RASL10B: variants seen among roughly 807,000 people sequenced by gnomAD.
RASL10B encodes RAS like family 10 member B.
RASL10B carries 10 observed loss-of-function variants against 20.7 expected under a neutral mutation model. That is an observed-to-expected ratio of 0.48 (90% CI 0.30 to 0.82). The LOEUF is 0.82. Ranked by LOEUF, RASL10B falls within the 40% of genes least tolerant of loss-of-function variation. RASL10B has a pLI of 0.07. For missense variants in RASL10B, 231 were observed against 295.4 expected (o/e 0.78, Z 1.60); for synonymous variants, 110 against 123.3 (o/e 0.89, Z 0.72).
chr17:35,731,700 C>T lies in RASL10B; in HGVS notation c.-326C>T, dbSNP rs1013973085. The T allele has an allele frequency of 5.9e-5, 9 of 151,994 alleles. No homozygotes were observed. Among genetic ancestry groups the T allele is most frequent in the East Asian group, 3.9e-4 (2 of 5,108 alleles). 9.4% of individuals were successfully genotyped at this position (151,994 alleles called of 1,614,324 possible). A position where few individuals can be genotyped will look rare whatever the true frequency, so the allele number is the denominator to read the frequency against. ...AGCTGGGGCTGGAGGTTCCTACCCCCTCGGCGGCCCGCATCTGCCCCCGCG... is the reference window on the plus strand; with the variant it reads ...AGCTGGGGCTGGAGGTTCCTACCCCTTCGGCGGCCCGCATCTGCCCCCGCG... On this transcript the variant is annotated 5_prime_UTR_variant, in exon 1 of 4. Transcript: ENST00000603017.
At chr17:35,734,335 T>G (rs1444783893) in intron 1 of RASL10B, among the ~76,000 whole-genome samples, 1 of 152,176 alleles carries the variant, frequency 6.6e-6, no homozygotes, top group Non-Finnish European at 1.5e-5. Context: ...TGGGCACACT[T>G]CTTACTCCTT....
intron 2 of RASL10B, among the ~76,000 whole-genome samples, chr17:35,738,427 C>T (rs2143020026): frequency 1.3e-5 from 2 of 152,280 alleles, no homozygotes; most frequent in Non-Finnish European, 2.9e-5. Context: ...TCTCCAATGC[C>T]AGATGAGATA....
Position 35,735,133 on chromosome 17 carries a change from G to A in RASL10B, c.-52G>A, listed in dbSNP as rs1017642661. On this transcript the variant is annotated 5_prime_UTR_variant, in exon 2 of 4. Transcript: ENST00000603017. This position sits in a 1 kb window ranked among gnomAD's most constrained non-coding sequence, Gnocchi z 6.7. ...CCCCAGCCCCTGGAATATGCAGCCC[G>A]GGGGAGCCCCAGACAGCGGCAAGGA... 27 of 1,562,950 alleles carry A rather than the reference G, an allele frequency of 1.7e-5. No homozygotes were observed. Among genetic ancestry groups the A allele is most frequent in the South Asian group, 3.4e-5 (3 of 89,300 alleles).
At chr17:35,736,096 T>C (rs767588683) in intron 2 of RASL10B, among the ~76,000 whole-genome samples, 73 of 152,228 alleles carry the variant, frequency 4.8e-4, no homozygotes, top group Non-Finnish European at 9.0e-4. Context: ...GCACCCTCCC[T>C]GCCAGGTTTG....
chr17:35,737,130 AC>A (rs1280291896), intron 2 of RASL10B: 1 of 152,240 alleles, frequency 6.6e-6, no homozygotes, highest in Non-Finnish European at 1.5e-5. Context: ...AAAGAACAAA[AC>A]AAAAACAAGA....
intron 2 of RASL10B, chr17:35,737,216 A>G (rs1181858751): frequency 6.6e-6 from 1 of 152,218 alleles, no homozygotes; most frequent in Admixed American, 6.5e-5. Context: ...TGTGTTACCT[A>G]AGCTGATCTC....
In RASL10B at chr17:35,741,377, G is replaced by C. The variant is rs933256632; in HGVS notation, c.*72G>C. 32 of 1,364,666 alleles carry C rather than the reference G, an allele frequency of 2.3e-5. No homozygotes were observed. In the Admixed American group the frequency reaches 4.7e-4, roughly 20 times the overall value. The allele number at this position is 1,364,666 out of a possible 1,614,324, so 84.5% of individuals were successfully genotyped here. ...CGGGGCCGTACTGCGGGGCTGGGGC[G>C]GGGAGCGGGCGGGAAATGGAACTGT... On this transcript the variant is annotated 3_prime_UTR_variant, in exon 4 of 4. Transcript: ENST00000603017.
intron 2 of RASL10B, among the ~76,000 whole-genome samples, chr17:35,736,576 G>T (rs1329920328): frequency 1.3e-5 from 2 of 152,188 alleles, no homozygotes; most frequent in African/African-American, 4.8e-5. Flanking sequence ...AGACAGTCTG[G>T]ATGCAGGGCC....
At position 35,740,434 on chromosome 17, in the gene RASL10B, G is replaced by T; in HGVS notation, c.242G>T (p.Gly81Val). The change falls in exon 3 of 4, where the codon GGA becomes GTA. Residue 81 changes from glycine (G) to valine (V), a missense_variant. Transcript: ENST00000603017. ...LQEWADTCCR[G>V]LRSVHAYILV... The stretch of plus-strand genomic sequence containing the variant: ...GAGTGGGCAGACACCTGCTGCAGGG[G>T]ACTCCGGAGTGTCCACGCCTACATC... 1.2e-6 allele frequency: 2 copies of T among 1,613,928 alleles called. No individual in the cohort carries two copies. Among genetic ancestry groups the T allele is most frequent in the South Asian group, 2.2e-5 (2 of 91,070 alleles).
chr17:35,736,561 A>C (rs1463416600), intron 2 of RASL10B, among the ~76,000 whole-genome samples: 1 of 152,204 alleles, frequency 6.6e-6, no homozygotes, highest in Non-Finnish European at 1.5e-5. Flanking sequence ...TGAGCCTGTC[A>C]GGGCAGACAG....
Position 35,735,196 on chromosome 17 carries a change from C to G in RASL10B, c.12C>G (p.Thr4=). The G allele has an allele frequency of 6.2e-7, 1 of 1,610,368 alleles. No individual in the cohort carries two copies. Among genetic ancestry groups the G allele is most frequent in the East Asian group, 2.2e-5 (1 of 44,868 alleles). ...GTGGGGCGGGAGGCATGGTCTCCAC[C>G]TACCGGGTGGCCGTGCTGGGGGCGC... MVS[T]YRVAVLGARG... is the part of the protein sequence containing the mutation. Residue 4 remains threonine (T), a synonymous_variant, in exon 2 of 4, where the codon ACC becomes ACG. Transcript: ENST00000603017. This position sits in a 1 kb window ranked among gnomAD's most constrained non-coding sequence, Gnocchi z 6.7.
chr17:35,732,542 C>T (rs2085564727), intron 1 of RASL10B, among the ~76,000 whole-genome samples: 1 of 152,190 alleles, frequency 6.6e-6, no homozygotes, highest in Non-Finnish European at 1.5e-5. Context: ...GGGCACCGAT[C>T]GCTTCTGAGT....
chr17:35,732,228 G>A (rs1352198909), intron 1 of RASL10B, among the ~76,000 whole-genome samples: 1 of 152,152 alleles, frequency 6.6e-6, no homozygotes, highest in Non-Finnish European at 1.5e-5. Flanking sequence ...CTTGTGACCC[G>A]GCCCTCGGGA....
chr17:35,740,571 G>T (rs1555597776), intron 3 of RASL10B, 38 bp downstream of exon 3: 1 of 1,604,830 alleles, frequency 6.2e-7, no homozygotes, highest in African/African-American at 1.3e-5. Context: ...CACCTCTGTG[G>T]ATGCCCCAGT....
At chr17:35,732,477 G>A (rs1402902710) in intron 1 of RASL10B, among the ~76,000 whole-genome samples, 9 of 152,240 alleles carry the variant, frequency 5.9e-5, no homozygotes, top group African/African-American at 2.2e-4. Flanking sequence ...ACTCAGCCAA[G>A]GGTGTTGGAT....
intron 1 of RASL10B, 124 bp downstream of exon 1, chr17:35,732,002 G>T (rs1555596442): frequency 6.6e-6 from 1 of 151,112 alleles, no homozygotes; most frequent in Admixed American, 6.6e-5. Context: ...GGACTAGGAG[G>T]GGGCCGGCGG....
intron 3 of RASL10B, 44 bp from the exon 4 acceptor site, chr17:35,740,990 GT>G: frequency 6.6e-7 from 1 of 1,515,760 alleles, no homozygotes; most frequent in South Asian, 1.2e-5. Context: ...GAGTACAGCG[GT>G]TGTGGGGCTG....
In RASL10B at chr17:35,737,900, C is replaced by CA. The variant is rs11351393; in HGVS notation, c.217-2491dup. On this transcript the variant is annotated intron_variant, in intron 2 of 3. Coordinates refer to ENST00000603017, the MANE Select transcript of RASL10B (RefSeq NM_033315.4). ...TGGGTGACAGAGTGAGGCCCTGTCT[C>CA]AAAAAAAAAAAAAAAAAAGTGTGAC... is the stretch of plus-strand genomic sequence containing the variant. Among the ~76,000 whole-genome samples, 711 of 97,682 alleles carry CA rather than the reference C, an allele frequency of 7.3e-3. 4 individuals are homozygous for CA. The highest frequency in any genetic ancestry group is 8.8e-3 in the Non-Finnish European group (373 of 42,402). 64.1% of individuals were successfully genotyped at this position (97,682 alleles called of 152,430 possible). A position where few individuals can be genotyped will look rare whatever the true frequency, so the allele number is the denominator to read the frequency against.
rs1447344025 is a variant in RASL10B at position 35,737,162 on chromosome 17, G to T, written c.216+1762G>T. On this transcript the variant is annotated intron_variant, in intron 2 of 3. Transcript: ENST00000603017. ...CAAGAACCATACTGTTCTGTACCTT[G>T]ATTTTATTTTATTTTTAAAATTTTT... 4 of 152,126 alleles carry T rather than the reference G, an allele frequency of 2.6e-5. No homozygotes were observed. In the East Asian group the frequency reaches 7.7e-4, roughly 29 times the overall value. 9.4% of individuals were successfully genotyped at this position (152,126 alleles called of 1,614,324 possible).
Sources: gnomAD v4.1 joint callset for allele counts (sites outside exome capture counted in the v4.1 genomes callset) on GRCh38, gnomAD v4.1.1 for gene constraint, Gnocchi (gnomAD v3.1) non-coding constraint, MANE v1.5 for transcripts, NCBI Gene and HGNC (gene_info 2026-07-23, HGNC 2026-07-21) for gene names.